Variants in TCF4 observed in about 807,000 individuals in gnomAD.
TCF4 encodes the protein transcription factor 4.
In TCF4, 3 loss-of-function variants were observed where a neutral mutation model predicts 82.1. That is an observed-to-expected ratio of 0.04 (90% CI 0.02 to 0.09). The LOEUF (loss-of-function observed/expected upper bound fraction) is 0.09. Ranked by LOEUF, TCF4 falls within the 10% of genes least tolerant of loss-of-function variation. The pLI, the probability that TCF4 is intolerant of heterozygous loss-of-function variation, is 1.00. For missense variants in TCF4, 518 were observed against 852.7 expected (o/e 0.61, Z 4.89); for synonymous variants, 276 against 309.6 (o/e 0.89, Z 1.14).
chr18:55,247,889 T>C (rs772021816), intron 15 of TCF4, among the ~76,000 whole-genome samples: 2 of 152,162 alleles, frequency 1.3e-5, no homozygotes, highest in Non-Finnish European at 2.9e-5. Flanking sequence ...AAAAGCAAAT[T>C]TGGGCTGGAC....
Position 55,229,129 on chromosome 18 carries a change from T to A in TCF4, c.1650-53A>T. ...TCTAATGGTGTGGGGAAAAAGAAGGTGTCTACATTACTTTGTTTTCTTCCA... is the reference window on the plus strand; with the variant it reads ...TCTAATGGTGTGGGGAAAAAGAAGGAGTCTACATTACTTTGTTTTCTTCCA... On this transcript the variant is annotated intron_variant, in intron 17 of 19. Transcript: ENST00000354452. 1.3e-6 allele frequency: 2 copies of A among 1,587,444 alleles called. 1 individual carries two copies. The highest frequency in any genetic ancestry group is 2.2e-5 in the South Asian group (2 of 90,542).
intron 3 of TCF4, 36 bp from the exon 4 acceptor site, chr18:55,464,173 C>T (rs1423695395): frequency 6.2e-7 from 1 of 1,600,110 alleles, no homozygotes; most frequent in Non-Finnish European, 8.6e-7. Flanking sequence ...GGCTTTCTTG[C>T]AGTAATTTTT....
intron 8 of TCF4, among the ~76,000 whole-genome samples, chr18:55,347,665 G>T (rs563713267): frequency 2.6e-5 from 4 of 152,268 alleles, no homozygotes; most frequent in South Asian, 4.2e-4. Context: ...GCCTAATGGC[G>T]GCAGAAGTCC....
chr18:55,620,464 T>C (rs985466121), intron 2 of TCF4, among the ~76,000 whole-genome samples: 1 of 152,186 alleles, frequency 6.6e-6, no homozygotes, highest in African/African-American at 2.4e-5. Context: ...GTAATGTTCC[T>C]TCTAATCCTT....
At chr18:55,336,032 G>A (rs1449523797) in intron 8 of TCF4, among the ~76,000 whole-genome samples, 1 of 151,540 alleles carries the variant, frequency 6.6e-6, no homozygotes, top group Non-Finnish European at 1.5e-5. Context: ...TTTTATATGA[G>A]TAAGATAAAA....
chr18:55,482,913 C>CA, intron 3 of TCF4: 1 of 152,326 alleles, frequency 6.6e-6, no homozygotes, highest in East Asian at 1.9e-4. Flanking sequence ...CCTTGTCCCC[C>CA]CTGACTAGCA....
intron 2 of TCF4, among the ~76,000 whole-genome samples, chr18:55,621,635 ATT>A (rs1349621533): frequency 2.6e-4 from 6 of 23,410 alleles, no homozygotes; most frequent in South Asian, 1.0e-3. Context: ...TAATATATAT[ATT>A]ATATAATATA....
At chr18:55,490,933 A>T (rs1440386491) in intron 3 of TCF4, among the ~76,000 whole-genome samples, 2 of 152,244 alleles carry the variant, frequency 1.3e-5, no homozygotes, top group East Asian at 3.8e-4. Flanking sequence ...ATATTGGAAC[A>T]GTATTAATGG....
chr18:55,357,932 A>C (rs924412938), intron 6 of TCF4, among the ~76,000 whole-genome samples: 3 of 152,208 alleles, frequency 2.0e-5, no homozygotes, highest in African/African-American at 7.2e-5. Context: ...GATTATCTGG[A>C]GAAGTAGTAA....
intron 15 of TCF4, among the ~76,000 whole-genome samples, chr18:55,252,701 AT>A (rs1052799114): frequency 1.6e-4 from 25 of 152,250 alleles, no homozygotes; most frequent in African/African-American, 6.0e-4. Context: ...CCCTGGGTGC[AT>A]GTTACATCCG....
At chr18:55,349,574 GAAAC>G (rs2081918053) in intron 8 of TCF4, among the ~76,000 whole-genome samples, 1 of 151,932 alleles carries the variant, frequency 6.6e-6, no homozygotes, top group Non-Finnish European at 1.5e-5. Flanking sequence ...GAAGGATAAA[GAAAC>G]AAAGAAAGAA....
intron 5 of TCF4, among the ~76,000 whole-genome samples, chr18:55,417,479 T>C (rs941984088): frequency 6.6e-6 from 1 of 152,186 alleles, no homozygotes; most frequent in African/African-American, 2.4e-5. Context: ...GTCTAAAAAA[T>C]CTTAAAACCT....
chr18:55,275,275 G>GGAAA (rs1555795909), intron 10 of TCF4, among the ~76,000 whole-genome samples: 1,869 of 71,422 alleles, frequency 0.026, 37 homozygotes, highest in Non-Finnish European at 0.038. Context: ...ACTACAGATA[G>GGAAA]AAAAAAAAAA....
At chr18:55,266,609 T>C (rs1015239962) in intron 11 of TCF4, 2 of 151,878 alleles carry the variant, frequency 1.3e-5, no homozygotes, top group South Asian at 2.1e-4. Flanking sequence ...ATGAGTAAAA[T>C]ACCTTGTTCT....
rs900737732 is a variant in TCF4, at chr18:55,412,785, C to T, written c.305-9267G>A. Among the ~76,000 whole-genome samples, 9 of 152,234 alleles carry T rather than the reference C, an allele frequency of 5.9e-5. No homozygotes were observed. In the South Asian group the frequency reaches 1.9e-3, roughly 32 times the overall value. On this transcript the variant is annotated intron_variant, in intron 5 of 19. Coordinates refer to ENST00000354452, the MANE Select transcript of TCF4 (RefSeq NM_001083962.2). ...GGAAAATATGAAGGAAATCAGCAGCCGCATTTCACCACACAAATCACTTTT... is the reference window on the plus strand; with the variant it reads ...GGAAAATATGAAGGAAATCAGCAGCTGCATTTCACCACACAAATCACTTTT...
At chr18:55,403,560 C>T (rs781280403) in intron 5 of TCF4, 42 bp from the exon 6 acceptor site, 2 of 1,613,524 alleles carry the variant, frequency 1.2e-6, no homozygotes, top group South Asian at 1.1e-5. Context: ...TGTGTTTTTC[C>T]TTAAAAAAAA....
intron 2 of TCF4, among the ~76,000 whole-genome samples, chr18:55,602,527 G>GATT (rs2147948282): frequency 1.3e-5 from 2 of 152,268 alleles, no homozygotes; most frequent in East Asian, 3.9e-4. Flanking sequence ...AAATTAAAGT[G>GATT]ATTATTAGAT....
At chr18:55,510,727 T>C (rs12956259) in intron 3 of TCF4, 8 of 1,404,846 alleles carry the variant, frequency 5.7e-6, no homozygotes, top group Non-Finnish European at 7.4e-6. Context: ...GGGGCCTTCC[T>C]TGTTACTCTC....
intron 3 of TCF4, among the ~76,000 whole-genome samples, chr18:55,573,161 A>G (rs1235686955): frequency 6.6e-6 from 1 of 152,148 alleles, no homozygotes; most frequent in African/African-American, 2.4e-5. Context: ...AGAAAATAAA[A>G]GAGCACTTCT....
Sources: gnomAD v4.1 joint callset for allele counts (sites outside exome capture counted in the v4.1 genomes callset) on GRCh38, gnomAD v4.1.1 for gene constraint, MANE v1.5 for transcripts, NCBI Gene and HGNC (gene_info 2026-07-23, HGNC 2026-07-21) for gene names.